TSGA10: variants seen among roughly 807,000 people sequenced by gnomAD.
The protein encoded by TSGA10 is testis-specific gene 10 protein.
TSGA10 carries 43 observed loss-of-function variants against 96.6 expected under a neutral mutation model. That is an observed-to-expected ratio of 0.44 (90% CI 0.35 to 0.57). The LOEUF is 0.57. Among genes scored for constraint, TSGA10 ranks in the 20% least tolerant of loss-of-function variants. TSGA10 has a pLI of 0.01. For synonymous variants in TSGA10, 229 were observed against 269.9 expected, an observed-to-expected ratio of 0.85 and a Z score of 1.48; for missense variants, 703 against 834.4, an observed-to-expected ratio of 0.84 and a Z score of 1.94.
At chr2:99,012,776 T>C (rs1378961128) in intron 20 of TSGA10, among the ~76,000 whole-genome samples, 1 of 152,088 alleles carries the variant, frequency 6.6e-6, no homozygotes, top group African/African-American at 2.4e-5. Context: ...AGGTCATCAA[T>C]ACAGAAAGTC....
chr2:99,006,341 T>C (rs2078469918), intron 20 of TSGA10, among the ~76,000 whole-genome samples: 1 of 152,138 alleles, frequency 6.6e-6, no homozygotes, highest in East Asian at 1.9e-4. Flanking sequence ...GAAACTACCA[T>C]CAGAGTGAAC....
chr2:99,094,567 A>T (rs188830587), intron 10 of TSGA10, among the ~76,000 whole-genome samples: 2 of 152,306 alleles, frequency 1.3e-5, no homozygotes, highest in African/African-American at 4.8e-5. Flanking sequence ...AAAAACAAAC[A>T]ATCCCATCAA....
chr2:99,071,895 T>C, intron 13 of TSGA10, 21 bp from the exon 14 acceptor site: 1 of 1,589,296 alleles, frequency 6.3e-7, no homozygotes. Context: ...AATCAAAGAG[T>C]ACATAAGAAG....
At chr2:99,005,785 A>G (rs1365041195) in intron 20 of TSGA10, among the ~76,000 whole-genome samples, 2 of 152,250 alleles carry the variant, frequency 1.3e-5, no homozygotes, top group African/African-American at 4.8e-5. Flanking sequence ...AGAATTGGAA[A>G]AAACTACTTT....
chr2:99,066,682 C>T (rs2085302937), intron 15 of TSGA10, among the ~76,000 whole-genome samples: 1 of 152,084 alleles, frequency 6.6e-6, no homozygotes, highest in Non-Finnish European at 1.5e-5. Context: ...CATATTTTAC[C>T]CTTTTTCATA....
In TSGA10 at chr2:99,134,099, T is replaced by G. The variant is rs549945071; in HGVS notation, c.-620-6923A>C. On this transcript the variant is annotated intron_variant, in intron 1 of 20. Coordinates refer to ENST00000393483, the MANE Select transcript of TSGA10 (RefSeq NM_025244.4). ...TTCTCGAGGAGTATCTTTGTGGTGT[T>G]CTCTGTATTTCCTGAATTGGAATGT... Among the ~76,000 whole-genome samples the G allele has an allele frequency of 2.9e-3, 439 of 152,316 alleles. 1 individual carries two copies. Among genetic ancestry groups the G allele is most frequent in the African/African-American group, 8.9e-3 (372 of 41,568 alleles).
chr2:99,043,576 T>C (rs938500554), intron 16 of TSGA10, among the ~76,000 whole-genome samples: 1 of 152,092 alleles, frequency 6.6e-6, no homozygotes, highest in Non-Finnish European at 1.5e-5. Context: ...AGATCTACAA[T>C]CAGACACATC....
intron 16 of TSGA10, among the ~76,000 whole-genome samples, chr2:99,051,586 T>C (rs769591126): frequency 6.6e-6 from 1 of 151,978 alleles, no homozygotes; most frequent in Non-Finnish European, 1.5e-5. Context: ...AGGCAGAAGA[T>C]AACAGGTAAA....
chr2:99,141,290 G>C (rs1212445924), intron 1 of TSGA10: 1 of 560,418 alleles, frequency 1.8e-6, no homozygotes, highest in African/African-American at 2.1e-5. Flanking sequence ...GGAAGGAGGA[G>C]GGGGCGGTTA....
At chr2:99,054,289 G>A (rs2083734807) in intron 16 of TSGA10, among the ~76,000 whole-genome samples, 1 of 152,094 alleles carries the variant, frequency 6.6e-6, no homozygotes, top group African/African-American at 2.4e-5. Flanking sequence ...GACGATCTCT[G>A]CAAATGATAA....
rs72957193 is a variant in TSGA10 at position 99,105,251 on chromosome 2, A to G, written c.459+108T>C. 1,396 of 921,316 alleles carry G rather than the reference A, an allele frequency of 1.5e-3. 18 individuals are homozygous for G. The African/African-American group carries it at 0.021, about 14-fold the overall frequency. The allele number at this position is 921,316 out of a possible 1,614,324, so 57.1% of individuals were successfully genotyped here. A position where few individuals can be genotyped will look rare whatever the true frequency, so the allele number is the denominator to read the frequency against. On this transcript the variant is annotated intron_variant, in intron 9 of 20. Coordinates refer to ENST00000393483, the MANE Select transcript of TSGA10 (RefSeq NM_025244.4). ...CCTTAAGTATTTTAGGACTATAAAC[A>G]CTATCTTAGAAAAATAAAATAACTT...
chr2:99,096,419 C>T (rs1261623414), intron 10 of TSGA10, among the ~76,000 whole-genome samples: 3 of 152,204 alleles, frequency 2.0e-5, no homozygotes, highest in Admixed American at 6.5e-5. Context: ...GCCAATGTCA[C>T]GTCTACTGGG....
chr2:99,029,331 T>C (rs2080929757), intron 17 of TSGA10, among the ~76,000 whole-genome samples: 1 of 152,114 alleles, frequency 6.6e-6, no homozygotes, highest in East Asian at 1.9e-4. Flanking sequence ...AGTTAATAGA[T>C]ATGGTATTAA....
chr2:99,135,046 G>A (rs746997922), intron 1 of TSGA10, among the ~76,000 whole-genome samples: 32 of 152,184 alleles, frequency 2.1e-4, no homozygotes, highest in Non-Finnish European at 4.3e-4. Flanking sequence ...GCTGGGAGAT[G>A]TCTCCCAGTC....
intron 2 of TSGA10, chr2:99,125,552 C>G (rs889621366): frequency 6.6e-6 from 1 of 152,156 alleles, no homozygotes; most frequent in African/African-American, 2.4e-5. Flanking sequence ...CTTCTCTTGT[C>G]TTTTCTCAAA....
chr2:99,138,471 G>A (rs923514226), intron 1 of TSGA10, among the ~76,000 whole-genome samples: 1 of 152,108 alleles, frequency 6.6e-6, no homozygotes, highest in African/African-American at 2.4e-5. Context: ...AAGGTGAAAC[G>A]CAATAAAACA....
At chr2:99,150,464 C>A in intron 1 of TSGA10, 2 of 1,113,530 alleles carry the variant, frequency 1.8e-6, no homozygotes, top group Middle Eastern at 2.3e-4. Context: ...TCACTTGTTA[C>A]TTTTTTTTTT....
At chr2:99,100,347 A>G (rs1307327348) in intron 10 of TSGA10, among the ~76,000 whole-genome samples, 1 of 152,254 alleles carries the variant, frequency 6.6e-6, no homozygotes, top group Non-Finnish European at 1.5e-5. Flanking sequence ...GACAAATGGA[A>G]CAGATTATTG....
In TSGA10 at chr2:99,064,931, A is replaced by C; in HGVS notation, c.1404+8T>G. 6.4e-7 allele frequency: 1 copy of C among 1,566,036 alleles called. No homozygotes were observed. The highest frequency in any genetic ancestry group is 8.6e-7 in the Non-Finnish European group (1 of 1,159,936). On this transcript the variant is annotated splice_region_variant and intron_variant, in intron 16 of 20. Coordinates refer to ENST00000393483, the MANE Select transcript of TSGA10 (RefSeq NM_025244.4). ...GGATGTATTATAAGCATATTTTTCCAAACTTACTTGCTCAACCTCTCTGTT... is the reference window on the plus strand; with the variant it reads ...GGATGTATTATAAGCATATTTTTCCCAACTTACTTGCTCAACCTCTCTGTT...
Sources: gnomAD v4.1 joint callset for allele counts (sites outside exome capture counted in the v4.1 genomes callset) on GRCh38, gnomAD v4.1.1 for gene constraint, MANE v1.5 for transcripts, NCBI Gene and HGNC (gene_info 2026-07-23, HGNC 2026-07-21) for gene names.